Variants in NTNG1 observed in about 807,000 individuals in gnomAD.
NTNG1 encodes the protein netrin-G1.
NTNG1 carries 16 observed loss-of-function variants against 54.0 expected under a neutral mutation model. The ratio of observed to expected loss-of-function variants is 0.30; its 90% CI spans 0.20 to 0.45. The LOEUF is 0.45. NTNG1 is among the 20% of genes least tolerant of loss of function. The pLI is 1.00. For missense variants in NTNG1, 530 were observed against 678.7 expected, an observed-to-expected ratio of 0.78 and a Z score of 2.43; for synonymous variants, 255 against 263.1, an observed-to-expected ratio of 0.97 and a Z score of 0.30.
chr1:107,474,568 CACTATAACAG>C (rs950158613), intron 7 of NTNG1, among the ~76,000 whole-genome samples: 1 of 152,166 alleles, frequency 6.6e-6, no homozygotes, highest in Non-Finnish European at 1.5e-5. Context: ...CCATTTTATG[CACTATAACAG>C]AATACCACAC....
intron 2 of NTNG1, among the ~76,000 whole-genome samples, chr1:107,283,691 A>G (rs1665013008): frequency 2.0e-5 from 3 of 152,056 alleles, no homozygotes; most frequent in African/African-American, 7.2e-5. Flanking sequence ...CAATTTACAC[A>G]CTGTTGCCAT....
intron 7 of NTNG1, among the ~76,000 whole-genome samples, chr1:107,473,155 A>C (rs1054399771): frequency 1.3e-5 from 2 of 152,190 alleles, no homozygotes; most frequent in African/African-American, 4.8e-5. Context: ...CATCAAGAAA[A>C]GCTGTCATGG....
intron 2 of NTNG1, among the ~76,000 whole-genome samples, chr1:107,283,056 A>C (rs1039380921): frequency 2.6e-5 from 4 of 152,056 alleles, no homozygotes; most frequent in Admixed American, 2.0e-4. Context: ...CAAAGGCCCC[A>C]CTTCCTAATA....
chr1:107,173,176 T>C (rs1656383363), intron 2 of NTNG1, among the ~76,000 whole-genome samples: 1 of 151,972 alleles, frequency 6.6e-6, no homozygotes, highest in African/African-American at 2.4e-5. Flanking sequence ...TATTGAGATA[T>C]ATACCCAGCC....
intron 2 of NTNG1, among the ~76,000 whole-genome samples, chr1:107,195,892 C>G (rs1156795159): frequency 6.6e-6 from 1 of 152,004 alleles, no homozygotes; most frequent in Non-Finnish European, 1.5e-5. Flanking sequence ...TCACCCTGTG[C>G]CCACACCTCA....
intron 3 of NTNG1, among the ~76,000 whole-genome samples, chr1:107,358,859 C>T (rs899278952): frequency 3.3e-5 from 5 of 152,154 alleles, no homozygotes; most frequent in Non-Finnish European, 5.9e-5. Context: ...GAAGTCTGTG[C>T]CTTGAACTGA....
chr1:107,374,834 G>A (rs181134949), intron 3 of NTNG1, among the ~76,000 whole-genome samples: 1 of 151,466 alleles, frequency 6.6e-6, no homozygotes, highest in Non-Finnish European at 1.5e-5. Flanking sequence ...TATTCTTTAG[G>A]GTTTTTTTTT....
intron 4 of NTNG1, among the ~76,000 whole-genome samples, chr1:107,396,079 T>C (rs10881466): frequency 0.44 from 67,137 of 152,104 alleles, 15,686 homozygotes; most frequent in Non-Finnish European, 0.52. Context: ...CTGAATAATT[T>C]GCCCAATTCC....
chr1:107,412,589 T>A (rs980529710), intron 5 of NTNG1, among the ~76,000 whole-genome samples: 5 of 152,174 alleles, frequency 3.3e-5, no homozygotes, highest in African/African-American at 1.2e-4. Flanking sequence ...GAAGACCTGT[T>A]GATCCCTAAT....
intron 3 of NTNG1, among the ~76,000 whole-genome samples, chr1:107,361,370 T>TAC (rs1553232688): frequency 8.2e-4 from 45 of 54,774 alleles, no homozygotes; most frequent in Non-Finnish European, 1.3e-3. Flanking sequence ...CATATATATA[T>TAC]ATACATATAT....
At chr1:107,403,625 G>A (rs1296335677) in intron 4 of NTNG1, 3 of 154,680 alleles carry the variant, frequency 1.9e-5, no homozygotes, top group Non-Finnish European at 4.4e-5. Context: ...CAGGAGAATC[G>A]CTTGAACCTG....
At chr1:107,238,650 C>G (rs1434585267) in intron 2 of NTNG1, among the ~76,000 whole-genome samples, 1 of 152,116 alleles carries the variant, frequency 6.6e-6, no homozygotes, top group African/African-American at 2.4e-5. Flanking sequence ...CTCATGAAAT[C>G]TGATGGCTTT....
intron 3 of NTNG1, among the ~76,000 whole-genome samples, chr1:107,348,113 TTTATTATTA>T (rs147243583): frequency 8.1e-5 from 12 of 148,412 alleles, no homozygotes; most frequent in South Asian, 2.2e-4. Context: ...TTTGTTTGCT[TTTATTATTA>T]TTATTATTAT....
At chr1:107,321,033 G>A (rs1667631671) in intron 2 of NTNG1, among the ~76,000 whole-genome samples, 1 of 152,080 alleles carries the variant, frequency 6.6e-6, no homozygotes, top group Admixed American at 6.6e-5. Flanking sequence ...ATTGGGAATT[G>A]TTCTCAATCA....
intron 2 of NTNG1, among the ~76,000 whole-genome samples, chr1:107,322,816 A>G (rs953868979): frequency 6.6e-6 from 1 of 152,066 alleles, no homozygotes; most frequent in Admixed American, 6.6e-5. Flanking sequence ...TTCCTCAAAT[A>G]ATGTACCTTC....
chr1:107,349,801 G>T (rs1201040433), intron 3 of NTNG1, among the ~76,000 whole-genome samples: 1 of 152,000 alleles, frequency 6.6e-6, no homozygotes, highest in Non-Finnish European at 1.5e-5. Flanking sequence ...GTATTCCATT[G>T]TGTGACTATA....
chr1:107,421,154 T>C (rs1674549970), intron 5 of NTNG1: 1 of 1,580,066 alleles, frequency 6.3e-7, no homozygotes, highest in South Asian at 1.1e-5. Flanking sequence ...GTAGGAATTC[T>C]TGGATTCATA....
At chr1:107,340,925 A>T (rs1326991299) in intron 3 of NTNG1, among the ~76,000 whole-genome samples, 1 of 152,062 alleles carries the variant, frequency 6.6e-6, no homozygotes, top group Non-Finnish European at 1.5e-5. Flanking sequence ...TATAAAATGC[A>T]AGTACATATT....
chr1:107,476,843 C>G, intron 7 of NTNG1, among the ~76,000 whole-genome samples: 1 of 152,220 alleles, frequency 6.6e-6, no homozygotes, highest in East Asian at 1.9e-4. Context: ...ATTTGCCTTT[C>G]CCTTTGTGCA....
Sources: allele counts gnomAD v4.1 joint callset (sites outside exome capture counted in the v4.1 genomes callset), GRCh38; gene constraint gnomAD v4.1.1; transcripts MANE v1.5; gene names NCBI Gene and HGNC (gene_info 2026-07-23, HGNC 2026-07-21).